SLC9A1: variants seen among roughly 807,000 people sequenced by gnomAD.
SLC9A1 encodes solute carrier family 9 member A1.
Under a neutral mutation model 67.9 loss-of-function variants are expected in SLC9A1, and 22 were observed. That is an observed-to-expected ratio of 0.32 (90% CI 0.23 to 0.46). The LOEUF (loss-of-function observed/expected upper bound fraction) is 0.46. Among genes scored for constraint, SLC9A1 ranks in the 20% least tolerant of loss-of-function variants. The probability of loss-of-function intolerance (pLI) is 1.00; values close to 1 mark genes in which losing one functional copy is unlikely to be tolerated. For synonymous variants in SLC9A1, 421 were observed against 471.8 expected, an observed-to-expected ratio of 0.89 and a Z score of 1.40; for missense variants, 686 against 1,094.8, an observed-to-expected ratio of 0.63 and a Z score of 5.27.
At chr1:27,133,739 G>A (rs1250818439) in intron 1 of SLC9A1, among the ~76,000 whole-genome samples, 2 of 152,036 alleles carry the variant, frequency 1.3e-5, no homozygotes, top group Non-Finnish European at 2.9e-5. Context: ...GCTAGGGAAG[G>A]GGAGAGAAGA....
chr1:27,129,092 A>G (rs2124181917), intron 1 of SLC9A1, among the ~76,000 whole-genome samples: 1 of 152,334 alleles, frequency 6.6e-6, no homozygotes, highest in South Asian at 2.1e-4. Flanking sequence ...GGGAGGCAAG[A>G]GCTTCTCCTA....
chr1:27,102,465 C>T lies in SLC9A1; in HGVS notation c.1740G>A (p.Met580Ile). Reference protein sequence around the residue: ...EPQLIAFYHKMEMKQAIELVE... With the variant: ...EPQLIAFYHKIEMKQAIELVE... Reference sequence around the variant, plus strand: ...CCAGCTCGATGGCCTGCTTCATCTCCATCTTGTGGTAGAAGGCAATGAGCT... The same window carrying T: ...CCAGCTCGATGGCCTGCTTCATCTCTATCTTGTGGTAGAAGGCAATGAGCT... Residue 580 changes from methionine (M) to isoleucine (I), a missense_variant, in exon 8 of 12, where the codon ATG becomes ATA. This residue lies in a region of SLC9A1 where 168 missense variants were observed against 375.4 expected (regional missense o/e 0.45). Transcript: ENST00000263980. 6.2e-7 allele frequency: 1 copy of T among 1,611,716 alleles called. No individual in the cohort carries two copies. Among genetic ancestry groups the T allele is most frequent in the Non-Finnish European group, 8.5e-7 (1 of 1,178,454 alleles).
chr1:27,153,182 C>T (rs1473944030), intron 1 of SLC9A1, among the ~76,000 whole-genome samples: 1 of 152,140 alleles, frequency 6.6e-6, no homozygotes, highest in Non-Finnish European at 1.5e-5. Context: ...ACCTCATCTA[C>T]TTGATTGAGC....
intron 1 of SLC9A1, among the ~76,000 whole-genome samples, chr1:27,122,233 G>A (rs1443488158): frequency 1.3e-5 from 2 of 152,154 alleles, no homozygotes; most frequent in African/African-American, 4.8e-5. Flanking sequence ...TCCAAACTGA[G>A]GAGCTGTGTT....
chr1:27,134,970 C>CCA (rs2083409977), intron 1 of SLC9A1, among the ~76,000 whole-genome samples: 9 of 151,948 alleles, frequency 5.9e-5, no homozygotes, highest in African/African-American at 2.2e-4. Flanking sequence ...CTCCTGACCT[C>CCA]AGGTGATCTG....
rs2083128715 is a variant in SLC9A1, at chr1:27,100,072, C to G, written c.*235G>C. The G allele has an allele frequency of 2.3e-6, 1 of 441,312 alleles. No homozygotes were observed. The highest frequency in any genetic ancestry group is 4.0e-6 in the Non-Finnish European group (1 of 251,296). The allele number at this position is 441,312 out of a possible 1,614,324, so 27.3% of individuals were successfully genotyped here. On this transcript the variant is annotated 3_prime_UTR_variant, in exon 12 of 12. Coordinates refer to ENST00000263980, the MANE Select transcript of SLC9A1 (RefSeq NM_003047.5). The surrounding 1 kb of genome is among the most constrained non-coding windows in gnomAD (Gnocchi z 5.6). ...CTAGGGAGGGGCAGGGCCGGCCTCA[C>G]CAGCCCCAGCAGTTCTGCCAAATGG...
At chr1:27,126,002 T>C (rs1428934722) in intron 1 of SLC9A1, among the ~76,000 whole-genome samples, 1 of 152,176 alleles carries the variant, frequency 6.6e-6, no homozygotes, top group Non-Finnish European at 1.5e-5. Context: ...CTAGCTCTAC[T>C]GGCCTCCTTG....
At position 27,118,791 on chromosome 1, in the gene SLC9A1, CA is replaced by C. The variant is rs1342976562; in HGVS notation, c.353-4506del. ...TCAGGGAAATGGAGACAGAGACAGC[CA>C]GTGACCTGTCAATGATCACATGTCC... On this transcript the variant is annotated intron_variant, in intron 1 of 11. Coordinates refer to ENST00000263980, the MANE Select transcript of SLC9A1 (RefSeq NM_003047.5). The surrounding 1 kb of genome is among the most constrained non-coding windows in gnomAD (Gnocchi z 4.3). 6.6e-6 allele frequency among the ~76,000 whole-genome samples: 1 copy of C among 152,114 alleles called. No individual in the cohort carries two copies. Among genetic ancestry groups the C allele is most frequent in the Non-Finnish European group, 1.5e-5 (1 of 68,024 alleles).
intron 1 of SLC9A1, among the ~76,000 whole-genome samples, chr1:27,115,713 G>A (rs2083268046): frequency 6.6e-6 from 1 of 151,492 alleles, no homozygotes; most frequent in Non-Finnish European, 1.5e-5. Flanking sequence ...GCCGAGGCAG[G>A]AAGATCACTT....
intron 1 of SLC9A1, among the ~76,000 whole-genome samples, chr1:27,126,806 T>C (rs951616761): frequency 6.6e-6 from 1 of 152,124 alleles, no homozygotes; most frequent in Non-Finnish European, 1.5e-5. Context: ...CCCTTTTGTG[T>C]ATATATTTTT....
chr1:27,101,173 C>T lies in SLC9A1; in HGVS notation c.2110+30G>A, dbSNP rs201967405. 1 of 1,577,842 alleles carries T rather than the reference C, an allele frequency of 6.3e-7. No homozygotes were observed. Among genetic ancestry groups the T allele is most frequent in the Non-Finnish European group, 8.7e-7 (1 of 1,155,464 alleles). On this transcript the variant is annotated intron_variant, in intron 11 of 11. Coordinates refer to ENST00000263980, the MANE Select transcript of SLC9A1 (RefSeq NM_003047.5). This position sits in a 1 kb window ranked among gnomAD's most constrained non-coding sequence, Gnocchi z 4.9. ...TCAGGAGGTGGCAGCTCAGAGTGCC[C>T]AGTCCTGAGGCCCCTCGCCAGGCCC...
Position 27,103,318 on chromosome 1 carries a change from G to A in SLC9A1, c.1486-6C>T, listed in dbSNP as rs1268121008. 1.2e-6 allele frequency: 2 copies of A among 1,609,336 alleles called. No homozygotes were observed. The highest frequency in any genetic ancestry group is 1.7e-5 in the Admixed American group (1 of 59,996). ...AGGGGCCGAATGGTCATGCCCTGGG[G>A]GGCAGGCAGGTGTCAGGCACTCCAG... On this transcript the variant is annotated splice_region_variant and splice_polypyrimidine_tract_variant and intron_variant, in intron 5 of 11. Coordinates refer to ENST00000263980, the MANE Select transcript of SLC9A1 (RefSeq NM_003047.5).
At chr1:27,130,055 T>C (rs1433953423) in intron 1 of SLC9A1, among the ~76,000 whole-genome samples, 1 of 152,198 alleles carries the variant, frequency 6.6e-6, no homozygotes. Context: ...CTGTGTGACC[T>C]TGGGCAGGTC....
At position 27,117,208 on chromosome 1, in the gene SLC9A1, C is replaced by T. The variant is rs528133739; in HGVS notation, c.353-2922G>A. 5.9e-5 allele frequency among the ~76,000 whole-genome samples: 9 copies of T among 152,154 alleles called. No homozygotes were observed. In the East Asian group the frequency reaches 9.7e-4, roughly 16 times the overall value. The stretch of plus-strand genomic sequence containing the variant: ...TGGAGGGGAGACAGGCACAGCGCAG[C>T]GGAGATAAGCAGGATGAAGATTTAG... On this transcript the variant is annotated intron_variant, in intron 1 of 11. Transcript: ENST00000263980.
intron 1 of SLC9A1, among the ~76,000 whole-genome samples, chr1:27,143,249 C>G (rs1570884584): frequency 1.3e-5 from 2 of 152,020 alleles, no homozygotes; most frequent in South Asian, 4.1e-4. Flanking sequence ...CCTTAGCAAC[C>G]CCTCCTGAAT....
chr1:27,151,726 G>A (rs191306417), intron 1 of SLC9A1, among the ~76,000 whole-genome samples: 3 of 152,274 alleles, frequency 2.0e-5, no homozygotes, highest in East Asian at 1.9e-4. Flanking sequence ...GCAGAGTGGT[G>A]GCTGAATTCC....
At chr1:27,133,459 C>T (rs2083399295) in intron 1 of SLC9A1, among the ~76,000 whole-genome samples, 1 of 152,156 alleles carries the variant, frequency 6.6e-6, no homozygotes, top group Non-Finnish European at 1.5e-5. Flanking sequence ...GAGACCCAAA[C>T]ACTGAGCTAG....
At chr1:27,147,194 G>A (rs1436667971) in intron 1 of SLC9A1, among the ~76,000 whole-genome samples, 2 of 151,634 alleles carry the variant, frequency 1.3e-5, no homozygotes, top group Non-Finnish European at 2.9e-5. Context: ...CAGCTACTCA[G>A]GAGGCTGAGG....
chr1:27,128,771 A>G (rs1286293229), intron 1 of SLC9A1, among the ~76,000 whole-genome samples: 3 of 152,174 alleles, frequency 2.0e-5, no homozygotes, highest in East Asian at 1.9e-4. Flanking sequence ...CAGCCTGGCC[A>G]ACATGGTGAA....
Sources: allele counts gnomAD v4.1 joint callset (sites outside exome capture counted in the v4.1 genomes callset), GRCh38; gene constraint gnomAD v4.1.1; regional missense constraint gnomAD v4.1.1; non-coding constraint Gnocchi (gnomAD v3.1); transcripts MANE v1.5; gene names NCBI Gene and HGNC (gene_info 2026-07-23, HGNC 2026-07-21).